RCOR1: variants seen among roughly 807,000 people sequenced by gnomAD.
The protein encoded by RCOR1 is REST corepressor 1.
In RCOR1, 12 loss-of-function variants were observed where a neutral mutation model predicts 64.0. The ratio of observed to expected loss-of-function variants is 0.19; its 90% CI spans 0.12 to 0.30. The LOEUF (loss-of-function observed/expected upper bound fraction) is 0.30. Among genes scored for constraint, RCOR1 ranks in the 10% least tolerant of loss-of-function variants. RCOR1 has a pLI of 1.00. For missense variants in RCOR1, 502 were observed against 621.2 expected, an observed-to-expected ratio of 0.81 and a Z score of 2.04; for synonymous variants, 279 against 227.2, an observed-to-expected ratio of 1.23 and a Z score of -2.05.
chr14:102,660,868 C>T (rs1894812819), intron 2 of RCOR1, among the ~76,000 whole-genome samples: 1 of 151,974 alleles, frequency 6.6e-6, no homozygotes, highest in Non-Finnish European at 1.5e-5. Flanking sequence ...TAGATATTTC[C>T]TTAGTATGGG....
intron 2 of RCOR1, among the ~76,000 whole-genome samples, chr14:102,599,367 A>G (rs1045332103): frequency 6.6e-6 from 1 of 152,124 alleles, no homozygotes; most frequent in Non-Finnish European, 1.5e-5. Context: ...CCTTGGCTCA[A>G]GCCATCTGCC....
At chr14:102,633,068 CA>C (rs1333196026) in intron 2 of RCOR1, among the ~76,000 whole-genome samples, 1 of 151,782 alleles carries the variant, frequency 6.6e-6, no homozygotes, top group Non-Finnish European at 1.5e-5. Context: ...CTCAGCATCC[CA>C]AAAGTGCTGG....
intron 3 of RCOR1, among the ~76,000 whole-genome samples, chr14:102,687,572 G>T (rs1404863997): frequency 1.3e-5 from 2 of 152,134 alleles, no homozygotes; most frequent in Non-Finnish European, 2.9e-5. Context: ...CAATAACATA[G>T]ATTAGAACAA....
In RCOR1 at chr14:102,707,615, AT is replaced by A. The variant is rs1171067978; in HGVS notation, c.660+108del. The A allele has an allele frequency of 3.9e-6, 4 of 1,017,838 alleles. No individual in the cohort carries two copies. The East Asian group carries it at 1.0e-4, about 26-fold the overall frequency. The allele number at this position is 1,017,838 out of a possible 1,614,324, so 63.1% of individuals were successfully genotyped here. A position where few individuals can be genotyped will look rare whatever the true frequency, so the allele number is the denominator to read the frequency against. ...ATCATACTCAAACATAAATATTCCC[AT>A]TTTTGATAAAGTTCCCCTTTAGATT... On this transcript the variant is annotated intron_variant, in intron 5 of 11. Transcript: ENST00000262241.
Position 102,592,815 on chromosome 14 carries a change from T to TC in RCOR1, c.-67dup. 1 of 1,137,226 alleles carries TC rather than the reference T, an allele frequency of 8.8e-7. No individual in the cohort carries two copies. Among genetic ancestry groups the TC allele is most frequent in the African/African-American group, 1.9e-5 (1 of 53,878 alleles). The allele number at this position is 1,137,226 out of a possible 1,614,324, so 70.4% of individuals were successfully genotyped here. A position where few individuals can be genotyped will look rare whatever the true frequency, so the allele number is the denominator to read the frequency against. ...GGCCCCGCGCCGGCCCCGCGCCCCCTCCCCCGTCTCGGCGCCCCCTCCTCA... is the reference window on the plus strand; with the variant it reads ...GGCCCCGCGCCGGCCCCGCGCCCCCTCCCCCCGTCTCGGCGCCCCCTCCTCA... On this transcript the variant is annotated 5_prime_UTR_variant, in exon 1 of 12. Transcript: ENST00000262241.
intron 2 of RCOR1, chr14:102,659,146 TTTTA>T: frequency 1.0e-6 from 1 of 985,358 alleles, no homozygotes. Context: ...TTACTGGACT[TTTTA>T]TTTGACTTTT....
At chr14:102,680,311 G>T (rs191723510) in intron 2 of RCOR1, among the ~76,000 whole-genome samples, 51 of 151,980 alleles carry the variant, frequency 3.4e-4, no homozygotes, top group Non-Finnish European at 6.5e-4. Flanking sequence ...ACAGATAATC[G>T]TGCAGTTTTG....
At chr14:102,718,897 G>A (rs779763872) in intron 8 of RCOR1, among the ~76,000 whole-genome samples, 3 of 152,018 alleles carry the variant, frequency 2.0e-5, no homozygotes, top group Non-Finnish European at 4.4e-5. Context: ...TCAAGCAGTT[G>A]CCCACCTCAG....
chr14:102,648,143 A>G (rs1395023610), intron 2 of RCOR1, among the ~76,000 whole-genome samples: 1 of 151,800 alleles, frequency 6.6e-6, no homozygotes, highest in East Asian at 1.9e-4. Context: ...TAGTGGCGTG[A>G]TCTCGCCTCA....
chr14:102,726,821 G>GCT lies in RCOR1; in HGVS notation c.*318_*319dup. On this transcript the variant is annotated 3_prime_UTR_variant, in exon 12 of 12. Coordinates refer to ENST00000262241, the MANE Select transcript of RCOR1 (RefSeq NM_015156.4). ...GAGCCCCCGAGCCCCACCAATGGCA[G>GCT]CTCTTCCCAGTCAGCAGCTTCAGAG... The GCT allele has an allele frequency of 2.9e-6, 1 of 344,018 alleles. No individual in the cohort carries two copies. Among genetic ancestry groups the GCT allele is most frequent in the Non-Finnish European group, 5.2e-6 (1 of 190,752 alleles). The allele number at this position is 344,018 out of a possible 1,614,324, so 21.3% of individuals were successfully genotyped here. A position where few individuals can be genotyped will look rare whatever the true frequency, so the allele number is the denominator to read the frequency against.
intron 2 of RCOR1, chr14:102,657,012 T>C (rs1894741232): frequency 1.2e-6 from 1 of 811,166 alleles, no homozygotes; most frequent in South Asian, 5.7e-5. Flanking sequence ...TGACCTCATG[T>C]GATCCACCCG....
chr14:102,626,114 A>G (rs1346629720), intron 2 of RCOR1, among the ~76,000 whole-genome samples: 1 of 152,166 alleles, frequency 6.6e-6, no homozygotes, highest in Non-Finnish European at 1.5e-5. Flanking sequence ...TGACTCCATC[A>G]TGACGTCAGT....
At chr14:102,684,723 A>G (rs995769266) in intron 3 of RCOR1, among the ~76,000 whole-genome samples, 5 of 151,830 alleles carry the variant, frequency 3.3e-5, no homozygotes, top group Non-Finnish European at 5.9e-5. Flanking sequence ...ATTTCTTCCA[A>G]TTTTTTTTGT....
intron 2 of RCOR1, among the ~76,000 whole-genome samples, chr14:102,667,851 CAAG>C (rs1433784606): frequency 6.6e-6 from 1 of 152,000 alleles, no homozygotes; most frequent in African/African-American, 2.4e-5. Flanking sequence ...TTTAGGTAAA[CAAG>C]AAGAAACAGC....
At chr14:102,628,401 A>G (rs935011366) in intron 2 of RCOR1, among the ~76,000 whole-genome samples, 8 of 152,120 alleles carry the variant, frequency 5.3e-5, no homozygotes, top group African/African-American at 1.7e-4. Context: ...GGATGCCAAT[A>G]TAGTCCCTAT....
chr14:102,682,607 G>A (rs966514213), intron 3 of RCOR1, among the ~76,000 whole-genome samples: 1 of 152,116 alleles, frequency 6.6e-6, no homozygotes, highest in Non-Finnish European at 1.5e-5. Flanking sequence ...GTTGCTTCAG[G>A]TGCCTTTTCA....
At chr14:102,608,039 CAGAG>C (rs1278631541) in intron 2 of RCOR1, among the ~76,000 whole-genome samples, 1 of 151,676 alleles carries the variant, frequency 6.6e-6, no homozygotes, top group Non-Finnish European at 1.5e-5. Flanking sequence ...CCGGGCGAAA[CAGAG>C]AGACTCCATC....
rs1566717399 is a variant in RCOR1 at position 102,729,781 on chromosome 14, A to C, written c.*3275A>C. Reference sequence around the variant, plus strand: ...ATAATTGCACACCAAAAATAAGCCAAACAGTGCATTACGCTAACTGGATCC... The same window carrying C: ...ATAATTGCACACCAAAAATAAGCCACACAGTGCATTACGCTAACTGGATCC... On this transcript the variant is annotated 3_prime_UTR_variant, in exon 12 of 12. Coordinates refer to ENST00000262241, the MANE Select transcript of RCOR1 (RefSeq NM_015156.4). 1 of 398,912 alleles carries C rather than the reference A, an allele frequency of 2.5e-6. No individual in the cohort carries two copies. Among genetic ancestry groups the C allele is most frequent in the Non-Finnish European group, 4.4e-6 (1 of 226,074 alleles). 24.7% of individuals were successfully genotyped at this position (398,912 alleles called of 1,614,324 possible). A position where few individuals can be genotyped will look rare whatever the true frequency, so the allele number is the denominator to read the frequency against.
At chr14:102,620,304 A>G (rs1045076682) in intron 2 of RCOR1, among the ~76,000 whole-genome samples, 1 of 152,122 alleles carries the variant, frequency 6.6e-6, no homozygotes, top group African/African-American at 2.4e-5. Flanking sequence ...GCGGTGGCTC[A>G]CGCCTGTAAT....
Sources: allele counts gnomAD v4.1 joint callset (sites outside exome capture counted in the v4.1 genomes callset), GRCh38; gene constraint gnomAD v4.1.1; transcripts MANE v1.5; gene names NCBI Gene and HGNC (gene_info 2026-07-23, HGNC 2026-07-21).